Variants in TTN observed in about 807,000 individuals in gnomAD.
The protein encoded by TTN is titin, also known as connectin.
TTN carries 1,525 observed loss-of-function variants against 3,223.0 expected under a neutral mutation model. That is an observed-to-expected ratio of 0.47 (90% confidence interval 0.45 to 0.49). The LOEUF is 0.49. Among genes scored for constraint, TTN ranks in the 20% least tolerant of loss-of-function variants. The pLI is 0.00. For synonymous variants in TTN, 14,094 were observed against 15,161.0 expected (o/e 0.93, Z 5.17); for missense variants, 40,786 against 43,424.0 (o/e 0.94, Z 5.40).
In TTN at chr2:178,591,962, A is replaced by G; in HGVS notation, c.59926+16T>C. ...ACAGTCAAACAATAGTTTTGTATTC[A>G]GAGAAAGCAACTTACGGAGAGGATC... On this transcript the variant is annotated intron_variant, in intron 302 of 362. Coordinates refer to ENST00000589042, the MANE Select transcript of TTN (RefSeq NM_001267550.2). 2 of 1,608,282 alleles carry G rather than the reference A, an allele frequency of 1.2e-6. No individual in the cohort carries two copies. Among genetic ancestry groups the G allele is most frequent in the Non-Finnish European group, 1.7e-6 (2 of 1,178,416 alleles).
chr2:178,785,864 A>T lies in TTN; in HGVS notation c.2354T>A (p.Met785Lys). The change falls in exon 14 of 363, where the codon ATG becomes AAG. Residue 785 changes from methionine to lysine, a missense_variant. Met to Lys is a moderately conservative substitution (Grantham distance 95, BLOSUM62 -1). Coordinates refer to ENST00000589042, the MANE Select transcript of TTN (RefSeq NM_001267550.2). ...THIKTTDQKG[M>K]HISSQIKKTT... is the part of the protein sequence containing the mutation. Reference sequence around the variant, plus strand: ...TAGACTCACCTGTGATGATATGTGCATTCCCTTTTGATCAGTAGTTTTGAT... The same window carrying T: ...TAGACTCACCTGTGATGATATGTGCTTTCCCTTTTGATCAGTAGTTTTGAT... 6.2e-7 allele frequency: 1 copy of T among 1,614,130 alleles called. No individual in the cohort carries two copies. Among genetic ancestry groups the T allele is most frequent in the South Asian group, 1.1e-5 (1 of 91,080 alleles).
chr2:178,772,686 A>G (rs756180998), intron 33 of TTN, among the ~76,000 whole-genome samples: 2 of 152,252 alleles, frequency 1.3e-5, no homozygotes, highest in Non-Finnish European at 2.9e-5. Context: ...ATAAAGCTCA[A>G]TACAGCAAAC....
At chr2:178,795,386 T>A in intron 6 of TTN, 134 bp from the exon 7 acceptor site, 1 of 770,036 alleles carries the variant, frequency 1.3e-6, no homozygotes, top group Non-Finnish European at 2.2e-6. Context: ...ATTCAGAGGG[T>A]AAATAATGTA....
intron 49 of TTN, 40 bp from the exon 50 acceptor site, chr2:178,736,114 CCAAAG>C: frequency 6.7e-7 from 1 of 1,496,562 alleles, no homozygotes; most frequent in Non-Finnish European, 9.0e-7. Context: ...TTAGTCCCCA[CCAAAG>C]CACTTGCTGT....
Position 178,608,909 on chromosome 2 carries a change from CTAA to C in TTN, c.52103-4_52103-2del, listed in dbSNP as rs1480898080. The C allele has an allele frequency of 6.2e-7, 1 of 1,605,840 alleles. No individual in the cohort carries two copies. Among genetic ancestry groups the C allele is most frequent in the East Asian group, 2.2e-5 (1 of 44,682 alleles). On this transcript the variant is annotated splice_acceptor_variant and splice_polypyrimidine_tract_variant and intron_variant, in intron 273 of 362. Coordinates refer to ENST00000589042, the MANE Select transcript of TTN (RefSeq NM_001267550.2). LOFTEE classifies it high-confidence loss of function. ...AAGTTGATTGGTGGTCCCGGTGTAT[CTAA>C]TATTTCAGAAGAGAACAGTAATCAA...
chr2:178,652,672 A>G lies in TTN; in HGVS notation c.39024T>C (p.Pro13008=). The G allele has an allele frequency of 6.2e-7, 1 of 1,613,464 alleles. No homozygotes were observed. Among genetic ancestry groups the G allele is most frequent in the Non-Finnish European group, 8.5e-7 (1 of 1,179,572 alleles). The change falls in exon 201 of 363, where the codon CCT becomes CCC. Residue 13008 remains proline, a synonymous_variant. Transcript: ENST00000589042. ...AAATACCTTTAACAGGTGGGACTTC[A>G]GGCTTTTTAGGAGGAGCCGAGGGCA... ...KKVPSAPPKK[P]EVPPVKVPEA... is the part of the protein sequence containing the mutation.
chr2:178,697,013 A>T, intron 113 of TTN, 108 bp downstream of exon 113: 1 of 955,762 alleles, frequency 1.0e-6, no homozygotes, highest in South Asian at 1.5e-5. Context: ...AGCAGAGGAG[A>T]CTCCACAACT....
rs151131017 is a variant in TTN, at chr2:178,798,176, A to T, written c.914+1311T>A. Among the ~76,000 whole-genome samples the T allele has an allele frequency of 2.0e-5, 3 of 152,248 alleles. No individual in the cohort carries two copies. In the East Asian group the frequency reaches 5.8e-4, roughly 29 times the overall value. On this transcript the variant is annotated intron_variant, in intron 6 of 362. Transcript: ENST00000589042. Reference sequence around the variant, plus strand: ...TAGTAACTTTACAGTATGTTTGAATATTATTTAGGTCAACTATCTCCTTAT... The same window carrying T: ...TAGTAACTTTACAGTATGTTTGAATTTTATTTAGGTCAACTATCTCCTTAT...
At position 178,559,397 on chromosome 2, in the gene TTN, C is replaced by A; in HGVS notation, c.86735G>T (p.Gly28912Val). Residue 28912 changes from glycine (G) to valine (V), a missense_variant, in exon 326 of 363, where the codon GGA becomes GTA. Physicochemically the swap from Gly to Val is moderately radical, Grantham distance 109. Transcript: ENST00000589042. ...AGAGACTCTGAAGTAATAGATAGCT[C>A]CTTCTTGTAAATTGGTAACTTTGTA... The part of the protein sequence containing the change: ...LSYKVTNLQE[G>V]AIYYFRVSGE... The A allele has an allele frequency of 6.2e-7, 1 of 1,613,690 alleles. No homozygotes were observed. Among genetic ancestry groups the A allele is most frequent in the Non-Finnish European group, 8.5e-7 (1 of 1,179,690 alleles).
intron 153 of TTN, 32 bp from the exon 154 acceptor site, chr2:178,672,513 G>A (rs751723952): frequency 6.2e-7 from 1 of 1,604,438 alleles, no homozygotes; most frequent in Non-Finnish European, 8.5e-7. Context: ...ATTTAGGACT[G>A]TCGAGAGCAA....
chr2:178,602,376 G>A lies in TTN; in HGVS notation c.55026C>T (p.Leu18342=). The change falls in exon 283 of 363, where the codon CTC becomes CTT. Residue 18342 remains leucine, a synonymous_variant. Transcript: ENST00000589042. The part of the protein sequence containing the change: ...CECVVPNLKE[L]RKYRFRVKAV... The stretch of plus-strand genomic sequence containing the variant: ...CTTTCACTCTGAATCTGTACTTCCT[G>A]AGCTCTTTCAGATTAGGCACCACAC... 1 of 1,612,806 alleles carries A rather than the reference G, an allele frequency of 6.2e-7. No homozygotes were observed. Among genetic ancestry groups the A allele is most frequent in the Non-Finnish European group, 8.5e-7 (1 of 1,179,292 alleles).
intron 47 of TTN, chr2:178,750,136 T>TGGGTTAG (rs753905244): frequency 3.7e-6 from 6 of 1,612,964 alleles, no homozygotes; most frequent in Non-Finnish European, 5.1e-6. Context: ...GAGGAACTGG[T>TGGGTTAG]GGGTTAGTTT....
chr2:178,567,114 C>A lies in TTN; in HGVS notation c.79018G>T (p.Glu26340Ter), dbSNP rs2154166071. The change falls in exon 326 of 363, where the codon GAA becomes TAA. Residue 26340 changes from glutamate to a stop codon, truncating the protein, a stop_gained. Transcript: ENST00000589042. LOFTEE classifies it high-confidence loss of function. The part of the protein sequence containing the change: ...SRLAWTVVAS[E>*]VVTNSLKVTK... ...ACTTTCAGAGAATTGGTCACAACTT[C>A]TGAAGCAACAACAGTCCAGGCAAGT... 6.2e-7 allele frequency: 1 copy of A among 1,613,572 alleles called. No homozygotes were observed. Among genetic ancestry groups the A allele is most frequent in the Non-Finnish European group, 8.5e-7 (1 of 1,179,612 alleles).
Position 178,730,304 on chromosome 2 carries a change from C to T in TTN, c.18096G>A (p.Lys6032=), listed in dbSNP as rs2080208048. 2 of 1,611,898 alleles carry T rather than the reference C, an allele frequency of 1.2e-6. No individual in the cohort carries two copies. Among genetic ancestry groups the T allele is most frequent in the African/African-American group, 2.7e-5 (2 of 75,018 alleles). The change falls in exon 62 of 363, where the codon AAG becomes AAA. Residue 6032 remains lysine, a synonymous_variant. Coordinates refer to ENST00000589042, the MANE Select transcript of TTN (RefSeq NM_001267550.2). ...DVNPNTRVQL[K]ALVGGTAPMT... Reference sequence around the variant, plus strand: ...TGGGTGCAGTGCCACCCACAAGAGCCTTTAACTGTACCCTTGTGTTGGGAT... The same window carrying T: ...TGGGTGCAGTGCCACCCACAAGAGCTTTTAACTGTACCCTTGTGTTGGGAT...
At position 178,604,910 on chromosome 2, in the gene TTN, T is replaced by C. The variant is rs1376522649; in HGVS notation, c.54191-12A>G. The C allele has an allele frequency of 6.2e-7, 1 of 1,607,912 alleles. No homozygotes were observed. Among genetic ancestry groups the C allele is most frequent in the Non-Finnish European group, 8.5e-7 (1 of 1,176,732 alleles). ...TGGGGATGGGCGGTCTGGAAAGGAA[T>C]CAACAGAGAATATTGAGAAGGCAAT... On this transcript the variant is annotated splice_polypyrimidine_tract_variant and intron_variant, in intron 280 of 362. Transcript: ENST00000589042.
rs2093410149 is a variant in TTN at position 178,790,115 on chromosome 2, T to G, written c.1801A>C (p.Ile601Leu). 1 of 1,612,256 alleles carries G rather than the reference T, an allele frequency of 6.2e-7. No homozygotes were observed. Among genetic ancestry groups the G allele is most frequent in the African/African-American group, 1.3e-5 (1 of 74,886 alleles). Reference protein sequence around the residue: ...QDQMHLSYEKIMKETRKTVVP... With the variant: ...QDQMHLSYEKLMKETRKTVVP... ...ACTGTTTTCCTAGTTTCCTTCATTA[T>G]CTGATCATACAAAAGAAAGTAAGAA... Residue 601 changes from isoleucine to leucine, a missense_variant and splice_region_variant, in exon 12 of 363, where the codon ATA becomes CTA. Physicochemically the swap from Ile to Leu is conservative, Grantham distance 5 (BLOSUM62 2). Coordinates refer to ENST00000589042, the MANE Select transcript of TTN (RefSeq NM_001267550.2).
At position 178,553,663 on chromosome 2, in the gene TTN, C is replaced by G; in HGVS notation, c.89342G>C (p.Trp29781Ser). 6.2e-7 allele frequency: 1 copy of G among 1,613,818 alleles called. No homozygotes were observed. The highest frequency in any genetic ancestry group is 1.1e-5 in the South Asian group (1 of 91,082). ...VEIRQGEEEE[W>S]TTVSTKGEVR... ...CTCTCCTTTGGTAGAGACAGTAGTC[C>G]ATTCCTCTTCCTCTCCTTGTCTTAT... Residue 29781 changes from tryptophan (W) to serine (S), a missense_variant, in exon 334 of 363, where the codon TGG (tryptophan) becomes TCG (serine). By Grantham distance (177) the Trp-to-Ser change is radical (BLOSUM62 -3). Coordinates refer to ENST00000589042, the MANE Select transcript of TTN (RefSeq NM_001267550.2).
At position 178,739,592 on chromosome 2, in the gene TTN, C is replaced by T. The variant is rs768023034; in HGVS notation, c.13641G>A (p.Leu4547=). 3.1e-6 allele frequency: 5 copies of T among 1,613,788 alleles called. No homozygotes were observed. The Admixed American group carries it at 8.3e-5, about 27-fold the overall frequency. Residue 4547 remains leucine, a synonymous_variant, in exon 48 of 363, where the codon TTG becomes TTA. Coordinates refer to ENST00000589042, the MANE Select transcript of TTN (RefSeq NM_001267550.2). Reference sequence around the variant, plus strand: ...CCCCTTTAGTGACAGGTGTGGCATCCAAATATTTAACCCTACTTTGCACGT... The same window carrying T: ...CCCCTTTAGTGACAGGTGTGGCATCTAAATATTTAACCCTACTTTGCACGT... ...YFNVQSRVKY[L]DATPVTKGVA...
chr2:178,570,269 C>T lies in TTN; in HGVS notation c.75863G>A (p.Gly25288Asp). The T allele has an allele frequency of 6.2e-7, 1 of 1,613,362 alleles. No homozygotes were observed. The highest frequency in any genetic ancestry group is 1.1e-5 in the South Asian group (1 of 91,064). Residue 25288 changes from glycine (G) to aspartate (D), a missense_variant, in exon 326 of 363, where the codon GGT becomes GAT. Transcript: ENST00000589042. ...RIMAVNKYGV[G>D]EPLESEPVVA... ...TACTGGCTCAGATTCAAGAGGTTCA[C>T]CAACACCATATTTGTTTACTGCCAT... is the stretch of plus-strand genomic sequence containing the variant.
Sources: gnomAD v4.1 joint callset for allele counts (sites outside exome capture counted in the v4.1 genomes callset) on GRCh38, gnomAD v4.1.1 for gene constraint, MANE v1.5 for transcripts, NCBI Gene and HGNC (gene_info 2026-07-23, HGNC 2026-07-21) for gene names.